The following MFSD8 variants were observed in gnomAD, a reference collection of about 807,000 sequenced individuals.
The protein encoded by MFSD8 is major facilitator superfamily domain-containing protein 8.
MFSD8 carries 55 observed loss-of-function variants against 66.4 expected under a neutral mutation model. The observed-to-expected ratio is 0.83, with a 90% CI of 0.67 to 1.04. The LOEUF is 1.04. Among genes scored for constraint, MFSD8 ranks in the 50% least tolerant of loss-of-function variants. The pLI is 0.00. For synonymous variants in MFSD8, 202 were observed against 212.8 expected (o/e 0.95, Z 0.44); for missense variants, 550 against 627.6 (o/e 0.88, Z 1.32).
chr4:127,922,227 G>A (rs751784946), intron 9 of MFSD8, among the ~76,000 whole-genome samples: 10 of 152,150 alleles, frequency 6.6e-5, no homozygotes, highest in Non-Finnish European at 1.3e-4. Flanking sequence ...ACTAGGTCAT[G>A]AGTCTTTTTG....
intron 4 of MFSD8, among the ~76,000 whole-genome samples, chr4:127,942,514 G>A (rs1740358520): frequency 1.3e-5 from 2 of 151,830 alleles, no homozygotes; most frequent in African/African-American, 2.4e-5. Flanking sequence ...TGGCCAACAC[G>A]GTGAAACCCC....
intron 2 of MFSD8, among the ~76,000 whole-genome samples, chr4:127,956,865 A>C (rs72681858): frequency 6.6e-6 from 1 of 152,138 alleles, no homozygotes; most frequent in Non-Finnish European, 1.5e-5. Flanking sequence ...AGTACATGAA[A>C]GTGTTAGGGA....
At chr4:127,930,948 C>A in intron 8 of MFSD8, 131 bp from the exon 9 acceptor site, 1 of 854,676 alleles carries the variant, frequency 1.2e-6, no homozygotes, top group South Asian at 2.2e-5. Context: ...GACAACAGAC[C>A]TAAGCAAAAG....
chr4:127,919,027 G>A lies in MFSD8; in HGVS notation c.*1603C>T, dbSNP rs536079775. On this transcript the variant is annotated 3_prime_UTR_variant, in exon 12 of 12. Coordinates refer to ENST00000641686, the MANE Select transcript of MFSD8 (RefSeq NM_001371596.2). ...TGACCAAATAGCCAGAACTGGCTAC[G>A]GTTCTGAGAAATCTATGGAAGCAGT... The A allele has an allele frequency of 6.6e-6, 1 of 152,250 alleles. No homozygotes were observed. Among genetic ancestry groups the A allele is most frequent in the South Asian group, 2.1e-4 (1 of 4,824 alleles). 9.4% of individuals were successfully genotyped at this position (152,250 alleles called of 1,614,324 possible). A position where few individuals can be genotyped will look rare whatever the true frequency, so the allele number is the denominator to read the frequency against.
At chr4:127,923,552 T>TTATTA (rs1553944539) in intron 9 of MFSD8, among the ~76,000 whole-genome samples, 22 of 130,578 alleles carry the variant, frequency 1.7e-4, no homozygotes, top group Admixed American at 3.2e-4. Context: ...TTTATTTTTA[T>TTATTA]TTATTATTAT....
At chr4:127,941,525 T>G (rs540342087) in intron 5 of MFSD8, among the ~76,000 whole-genome samples, 6 of 152,268 alleles carry the variant, frequency 3.9e-5, no homozygotes, top group Admixed American at 2.6e-4. Context: ...TGCAATGATG[T>G]GATCTCAGCT....
chr4:127,944,632 A>G (rs535169516), intron 3 of MFSD8, among the ~76,000 whole-genome samples: 1 of 152,288 alleles, frequency 6.6e-6, no homozygotes, highest in African/African-American at 2.4e-5. Flanking sequence ...AGAAAATGTT[A>G]GCTTAGAAAA....
rs758594508 is a variant in MFSD8 at position 127,941,996 on chromosome 4, A to G, written c.553+49T>C. 74 of 1,447,342 alleles carry G rather than the reference A, an allele frequency of 5.1e-5. No homozygotes were observed. In the Middle Eastern group the frequency reaches 8.7e-4, roughly 17 times the overall value. The allele number at this position is 1,447,342 out of a possible 1,614,324, so 89.7% of individuals were successfully genotyped here. On this transcript the variant is annotated intron_variant, in intron 5 of 11. Coordinates refer to ENST00000641686, the MANE Select transcript of MFSD8 (RefSeq NM_001371596.2). ...GGTTACACTGAATATTTAAGCCTCA[A>G]AAGTTTTCCCAATTCAAATTCAAGT... is the stretch of plus-strand genomic sequence containing the variant.
At chr4:127,965,298 G>C, upstream of MFSD8, 1 of 831,392 alleles carries the variant, frequency 1.2e-6, no homozygotes, top group Non-Finnish European at 2.0e-6. Flanking sequence ...TCACGCGGAA[G>C]GCCGGGCAGC....
At chr4:127,940,605 A>C (rs1294394022) in intron 5 of MFSD8, among the ~76,000 whole-genome samples, 2 of 151,210 alleles carry the variant, frequency 1.3e-5, no homozygotes, top group African/African-American at 4.8e-5. Flanking sequence ...ATGAAAAAAA[A>C]AAATTATTTC....
chr4:127,940,380 T>C (rs546901525), intron 5 of MFSD8, among the ~76,000 whole-genome samples: 1 of 152,052 alleles, frequency 6.6e-6, no homozygotes, highest in East Asian at 1.9e-4. Flanking sequence ...TCTCAGTTTT[T>C]TACAAAACAT....
Position 127,942,038 on chromosome 4 carries a change from C to T in MFSD8, c.553+7G>A. 6.2e-7 allele frequency: 1 copy of T among 1,604,596 alleles called. No individual in the cohort carries two copies. Among genetic ancestry groups the T allele is most frequent in the Non-Finnish European group, 8.5e-7 (1 of 1,171,510 alleles). ...AATTCAAGTAATGACATGTGAAGAACACCTACCTGGACCTAGAATAAAACC... is the reference window on the plus strand; with the variant it reads ...AATTCAAGTAATGACATGTGAAGAATACCTACCTGGACCTAGAATAAAACC... On this transcript the variant is annotated splice_region_variant and intron_variant, in intron 5 of 11. Coordinates refer to ENST00000641686, the MANE Select transcript of MFSD8 (RefSeq NM_001371596.2).
At chr4:127,964,418 G>A (rs1178147367) in intron 1 of MFSD8, among the ~76,000 whole-genome samples, 1 of 152,226 alleles carries the variant, frequency 6.6e-6, no homozygotes, top group African/African-American at 2.4e-5. Context: ...GAAATCGAGC[G>A]CAGCGCCAGT....
At chr4:127,964,819 G>A in intron 1 of MFSD8, 1 of 597,802 alleles carries the variant, frequency 1.7e-6, no homozygotes, top group Non-Finnish European at 3.0e-6. Context: ...TGCTGCAACA[G>A]GCAAAGCAGC....
intron 7 of MFSD8, among the ~76,000 whole-genome samples, chr4:127,936,502 G>A (rs2148894097): frequency 6.6e-6 from 1 of 152,158 alleles, no homozygotes; most frequent in Admixed American, 6.5e-5. Context: ...CAGGGAGGCA[G>A]ATCACTTGAG....
At chr4:127,940,131 T>C (rs112227113) in intron 5 of MFSD8, 134 bp from the exon 6 acceptor site, 3 of 892,738 alleles carry the variant, frequency 3.4e-6, no homozygotes, top group Non-Finnish European at 5.1e-6. Flanking sequence ...TCTCAACAGA[T>C]GGAATTGGTT....
chr4:127,931,672 ATTGT>A (rs1039687112), intron 8 of MFSD8, among the ~76,000 whole-genome samples: 2 of 152,118 alleles, frequency 1.3e-5, no homozygotes, highest in African/African-American at 4.8e-5. Context: ...TTTATTTAAC[ATTGT>A]TTAATTGGTA....
At chr4:127,943,149 T>C (rs1740479636) in intron 4 of MFSD8, among the ~76,000 whole-genome samples, 2 of 151,118 alleles carry the variant, frequency 1.3e-5, no homozygotes, top group Admixed American at 6.6e-5. Context: ...CCCAGGCAGG[T>C]AGAGGATGCA....
chr4:127,921,991 T>C (rs1736409303), intron 9 of MFSD8, 28 bp from the exon 10 acceptor site: 1 of 1,578,870 alleles, frequency 6.3e-7, no homozygotes, highest in Non-Finnish European at 8.7e-7. Flanking sequence ...CTCTGTAATT[T>C]TAAAATGAAA....
Sources: gnomAD v4.1 joint callset for allele counts (sites outside exome capture counted in the v4.1 genomes callset) on GRCh38, gnomAD v4.1.1 for gene constraint, MANE v1.5 for transcripts, NCBI Gene and HGNC (gene_info 2026-07-23, HGNC 2026-07-21) for gene names.